ZBTB40: variants seen among roughly 807,000 people sequenced by gnomAD.
ZBTB40 encodes the protein zinc finger and BTB domain-containing protein 40.
In ZBTB40, 60 loss-of-function variants were observed where a neutral mutation model predicts 117.5. That is an observed-to-expected ratio of 0.51 (90% confidence interval 0.41 to 0.63). The LOEUF (loss-of-function observed/expected upper bound fraction) is 0.63, where lower values mean the gene tolerates loss of function less well. Ranked by LOEUF, ZBTB40 falls within the 30% of genes least tolerant of loss-of-function variation. The pLI is 0.00. For synonymous variants in ZBTB40, 525 were observed against 577.1 expected (o/e 0.91, Z 1.29); for missense variants, 1,287 against 1,498.5 (o/e 0.86, Z 2.33).
intron 1 of ZBTB40, among the ~76,000 whole-genome samples, chr1:22,476,231 C>G (rs1451235575): frequency 6.6e-6 from 1 of 152,148 alleles, no homozygotes; most frequent in African/African-American, 2.4e-5. Flanking sequence ...AGAGGATCCT[C>G]AAAGTTTCTT....
At chr1:22,436,721 A>T (rs2124363463) in intron 1 of ZBTB40, among the ~76,000 whole-genome samples, 1 of 152,272 alleles carries the variant, frequency 6.6e-6, no homozygotes, top group African/African-American at 2.4e-5. Context: ...ATGCTGAGTG[A>T]GAGAAGCCAG....
chr1:22,440,421 G>C (rs1640717243), intron 1 of ZBTB40, among the ~76,000 whole-genome samples: 1 of 152,196 alleles, frequency 6.6e-6, no homozygotes, highest in Non-Finnish European at 1.5e-5. Context: ...TGAATTGCTT[G>C]AGCCCAGAAG....
intron 1 of ZBTB40, among the ~76,000 whole-genome samples, chr1:22,486,654 G>A (rs555397648): frequency 6.1e-4 from 93 of 152,286 alleles, no homozygotes; most frequent in African/African-American, 1.9e-3. Flanking sequence ...CCAGTGATTC[G>A]ATTGCAGTTC....
intron 1 of ZBTB40, among the ~76,000 whole-genome samples, chr1:22,478,458 A>G (rs1641604595): frequency 6.6e-6 from 1 of 152,114 alleles, no homozygotes; most frequent in South Asian, 2.1e-4. Flanking sequence ...CGTGTTAGCC[A>G]GGATGGTCTT....
chr1:22,502,482 A>G (rs1314824596), intron 5 of ZBTB40, 41 bp downstream of exon 5: 3 of 1,613,342 alleles, frequency 1.9e-6, no homozygotes, highest in East Asian at 2.2e-5. Context: ...CTGAATTCAT[A>G]TAGCACTTAA....
Position 22,490,095 on chromosome 1 carries a change from C to G in ZBTB40, c.147C>G (p.Phe49Leu). 6.2e-7 allele frequency: 1 copy of G among 1,614,180 alleles called. No homozygotes were observed. The highest frequency in any genetic ancestry group is 8.5e-7 in the Non-Finnish European group (1 of 1,180,032). The change falls in exon 2 of 18, where the codon TTC becomes TTG. Residue 49 changes from phenylalanine (F) to leucine (L), a missense_variant. By Grantham distance (22) the Phe-to-Leu change is conservative (BLOSUM62 0). Transcript: ENST00000375647. ...KLVLAAASLL[F>L]KTLLDNTDTI... ...TCCTGGCTGCTGCCAGCCTCCTGTT[C>G]AAAACCCTGCTGGATAACACAGATA... is the stretch of plus-strand genomic sequence containing the variant.
At chr1:22,472,382 T>G (rs1468652999) in intron 1 of ZBTB40, among the ~76,000 whole-genome samples, 1 of 152,084 alleles carries the variant, frequency 6.6e-6, no homozygotes, top group African/African-American at 2.4e-5. Context: ...ACGGGGGTCT[T>G]GCCATGTTGC....
intron 1 of ZBTB40, among the ~76,000 whole-genome samples, chr1:22,443,925 A>G (rs933537256): frequency 2.0e-5 from 3 of 152,164 alleles, no homozygotes; most frequent in Admixed American, 1.3e-4. Context: ...ATAACTAGGC[A>G]TGTCCAACCT....
At chr1:22,490,918 C>T (rs1281907445) in intron 2 of ZBTB40, among the ~76,000 whole-genome samples, 1 of 152,188 alleles carries the variant, frequency 6.6e-6, no homozygotes, top group African/African-American at 2.4e-5. Flanking sequence ...TCTCTCGAGA[C>T]GGAGTCTTGT....
At chr1:22,445,341 C>A (rs1640774904) in intron 1 of ZBTB40, among the ~76,000 whole-genome samples, 1 of 152,158 alleles carries the variant, frequency 6.6e-6, no homozygotes, top group Admixed American at 6.5e-5. Context: ...TGAGGCCATC[C>A]TGCCCCATCT....
intron 1 of ZBTB40, among the ~76,000 whole-genome samples, chr1:22,489,237 G>GA (rs1638556481): frequency 1.3e-5 from 2 of 152,166 alleles, no homozygotes; most frequent in African/African-American, 4.8e-5. Flanking sequence ...TATGGAATCA[G>GA]AAGAGAGGGA....
At chr1:22,475,139 T>G (rs1404797623) in intron 1 of ZBTB40, among the ~76,000 whole-genome samples, 1 of 152,166 alleles carries the variant, frequency 6.6e-6, no homozygotes, top group African/African-American at 2.4e-5. Context: ...TGGGTCTAGC[T>G]TTTGCTTCAT....
At chr1:22,433,261 G>A (rs540382846) in intron 1 of ZBTB40, among the ~76,000 whole-genome samples, 14 of 151,018 alleles carry the variant, frequency 9.3e-5, no homozygotes, top group Non-Finnish European at 1.2e-4. Flanking sequence ...GTGAAACCCC[G>A]TCTCTACTAA....
chr1:22,451,319 A>G (rs1194101297), upstream of ZBTB40, among the ~76,000 whole-genome samples: 1 of 152,202 alleles, frequency 6.6e-6, no homozygotes, highest in African/African-American at 2.4e-5. Context: ...CCTTTGAAAC[A>G]AAATCCTAAT....
intron 3 of ZBTB40, among the ~76,000 whole-genome samples, chr1:22,496,149 T>C (rs944862478): frequency 5.3e-5 from 8 of 152,178 alleles, no homozygotes; most frequent in Non-Finnish European, 8.8e-5. Context: ...TGGGATACTT[T>C]CTGGAGGTTG....
At chr1:22,434,260 T>G (rs191407694) in intron 1 of ZBTB40, among the ~76,000 whole-genome samples, 12 of 152,366 alleles carry the variant, frequency 7.9e-5, no homozygotes, top group Non-Finnish European at 1.6e-4. Flanking sequence ...TATTAACTGC[T>G]TCTTTGTGTC....
intron 1 of ZBTB40, among the ~76,000 whole-genome samples, chr1:22,472,891 A>G (rs1444295981): frequency 6.6e-6 from 1 of 152,188 alleles, no homozygotes; most frequent in African/African-American, 2.4e-5. Flanking sequence ...ATGCATTCCA[A>G]AAGAGTTTGG....
chr1:22,477,330 T>C (rs1000678228), intron 1 of ZBTB40, among the ~76,000 whole-genome samples: 8 of 152,188 alleles, frequency 5.3e-5, no homozygotes, highest in African/African-American at 1.9e-4. Flanking sequence ...CTTAACAATA[T>C]GCTAGGCACT....
upstream of ZBTB40, among the ~76,000 whole-genome samples, chr1:22,450,909 G>A (rs990679242): frequency 1.3e-5 from 2 of 152,192 alleles, no homozygotes; most frequent in Non-Finnish European, 2.9e-5. Context: ...GTAACTGTCA[G>A]GGACAGAAAA....
Sources: allele counts gnomAD v4.1 joint callset (sites outside exome capture counted in the v4.1 genomes callset), GRCh38; gene constraint gnomAD v4.1.1; transcripts MANE v1.5; gene names NCBI Gene and HGNC (gene_info 2026-07-23, HGNC 2026-07-21).